CDKAL1: variants seen among roughly 807,000 people sequenced by gnomAD.
CDKAL1 encodes threonylcarbamoyladenosine tRNA methylthiotransferase.
In CDKAL1, 32 loss-of-function variants were observed where a neutral mutation model predicts 68.2. The observed-to-expected ratio is 0.47, with a 90% confidence interval of 0.35 to 0.63. The LOEUF (loss-of-function observed/expected upper bound fraction) is 0.63, where lower values mean the gene tolerates loss of function less well. Ranked by LOEUF, CDKAL1 falls within the 30% of genes least tolerant of loss-of-function variation. The pLI is 0.00. For synonymous variants in CDKAL1, 234 were observed against 244.3 expected, an observed-to-expected ratio of 0.96 and a Z score of 0.39; for missense variants, 606 against 696.7, an observed-to-expected ratio of 0.87 and a Z score of 1.47.
At chr6:20,538,375 C>G (rs1259800177) in intron 2 of CDKAL1, among the ~76,000 whole-genome samples, 1 of 152,062 alleles carries the variant, frequency 6.6e-6, no homozygotes, top group Non-Finnish European at 1.5e-5. Context: ...GAGGCAAAGC[C>G]ATAGTGGGAA....
intron 4 of CDKAL1, among the ~76,000 whole-genome samples, chr6:20,585,635 C>A (rs1168460959): frequency 1.3e-5 from 2 of 152,206 alleles, no homozygotes; most frequent in Non-Finnish European, 2.9e-5. Flanking sequence ...GCTTTTCACT[C>A]TTTCCTTCTG....
chr6:20,649,648 G>A (rs140825371), intron 5 of CDKAL1, among the ~76,000 whole-genome samples: 1 of 152,180 alleles, frequency 6.6e-6, no homozygotes, highest in African/African-American at 2.4e-5. Context: ...ATGATGGTTT[G>A]CTGCACCTAT....
intron 9 of CDKAL1, among the ~76,000 whole-genome samples, chr6:20,912,813 C>T (rs1312272730): frequency 6.6e-5 from 10 of 152,046 alleles, no homozygotes; most frequent in African/African-American, 2.2e-4. Context: ...TCTACTCCCT[C>T]TTACAGAATT....
chr6:20,644,924 A>G (rs1470807721), intron 4 of CDKAL1, among the ~76,000 whole-genome samples: 1 of 152,242 alleles, frequency 6.6e-6, no homozygotes, highest in Non-Finnish European at 1.5e-5. Flanking sequence ...GTGTACCCAC[A>G]CAAACCTAGA....
intron 11 of CDKAL1, among the ~76,000 whole-genome samples, chr6:21,052,178 G>A (rs1233642648): frequency 6.6e-6 from 1 of 152,086 alleles, no homozygotes; most frequent in East Asian, 1.9e-4. Flanking sequence ...ATGTTGAATT[G>A]TTTCTTACTA....
intron 5 of CDKAL1, among the ~76,000 whole-genome samples, chr6:20,691,287 G>T (rs559267960): frequency 1.4e-5 from 2 of 147,274 alleles, no homozygotes. Flanking sequence ...TCTCTGGGCC[G>T]GCAGACCCTG....
chr6:20,711,913 A>G (rs948053687), intron 5 of CDKAL1, among the ~76,000 whole-genome samples: 2 of 152,206 alleles, frequency 1.3e-5, no homozygotes, highest in African/African-American at 4.8e-5. Flanking sequence ...AGTACACACC[A>G]TTGATTCAAA....
At chr6:21,162,759 TA>T (rs1051200993) in intron 13 of CDKAL1, among the ~76,000 whole-genome samples, 2 of 151,494 alleles carry the variant, frequency 1.3e-5, no homozygotes, top group Admixed American at 6.6e-5. Flanking sequence ...ACCTTGTCTC[TA>T]AAAAAAAGGT....
At chr6:21,122,233 T>C (rs1427117510) in intron 13 of CDKAL1, among the ~76,000 whole-genome samples, 1 of 152,246 alleles carries the variant, frequency 6.6e-6, no homozygotes, top group Non-Finnish European at 1.5e-5. Flanking sequence ...TTTTAAAATA[T>C]ATTACACTGT....
intron 5 of CDKAL1, among the ~76,000 whole-genome samples, chr6:20,655,547 A>T (rs1238121396): frequency 1.3e-5 from 2 of 152,180 alleles, no homozygotes; most frequent in Non-Finnish European, 2.9e-5. Context: ...GCCTGCTATT[A>T]GATCAGCAGC....
intron 5 of CDKAL1, among the ~76,000 whole-genome samples, chr6:20,663,652 A>G (rs1001937920): frequency 9.8e-5 from 15 of 152,290 alleles, no homozygotes; most frequent in African/African-American, 2.6e-4. Flanking sequence ...AAGACCTGCA[A>G]TGACCATATT....
At chr6:21,208,508 A>G (rs1325598354) in intron 15 of CDKAL1, among the ~76,000 whole-genome samples, 1 of 152,212 alleles carries the variant, frequency 6.6e-6, no homozygotes, top group Non-Finnish European at 1.5e-5. Flanking sequence ...GTCTAATTTC[A>G]GACAGGTCAG....
At chr6:21,012,882 A>C (rs1463365086) in intron 11 of CDKAL1, among the ~76,000 whole-genome samples, 1 of 152,182 alleles carries the variant, frequency 6.6e-6, no homozygotes, top group Non-Finnish European at 1.5e-5. Context: ...GGCTGTGCAG[A>C]CCATCCTGCA....
chr6:21,153,256 TTTA>T (rs1390469977), intron 13 of CDKAL1, among the ~76,000 whole-genome samples: 4 of 149,746 alleles, frequency 2.7e-5, no homozygotes, highest in Non-Finnish European at 5.9e-5. Flanking sequence ...TTTTTTTTTT[TTTA>T]ATCGTTAAGC....
At position 21,078,963 on chromosome 6, in the gene CDKAL1, T is replaced by C. The variant is rs184040709; in HGVS notation, c.1236+13735T>C. ...CCTGGCATAGAGCAGGAACTCAGTA[T>C]GTGTTGGATTGACAGATGCTGTAAA... is the stretch of plus-strand genomic sequence containing the variant. On this transcript the variant is annotated intron_variant, in intron 12 of 15. Transcript: ENST00000274695. 5.8e-4 allele frequency among the ~76,000 whole-genome samples: 88 copies of C among 152,280 alleles called. 1 individual carries two copies. Among genetic ancestry groups the C allele is most frequent in the Admixed American group, 2.7e-3 (41 of 15,298 alleles).
rs141725975 is a variant in CDKAL1 at position 21,002,656 on chromosome 6, TTA to T, written c.1055+2285_1055+2286del. Among the ~76,000 whole-genome samples the T allele has an allele frequency of 8.9e-3, 1,296 of 146,318 alleles. 12 individuals are homozygous for T. The highest frequency in any genetic ancestry group is 0.021 in the African/African-American group (849 of 39,804). ...CTGAGAAAACTTCAGGTAACCTATT[TTA>T]AAAAAAAAAAAAAAAATCAGATTAT... On this transcript the variant is annotated intron_variant, in intron 11 of 15. Transcript: ENST00000274695.
chr6:21,021,189 A>G (rs1768641193), intron 11 of CDKAL1, among the ~76,000 whole-genome samples: 1 of 152,202 alleles, frequency 6.6e-6, no homozygotes, highest in African/African-American at 2.4e-5. Context: ...TGGTATGTGG[A>G]CCAAATTACT....
intron 11 of CDKAL1, among the ~76,000 whole-genome samples, chr6:21,034,141 A>G (rs1243056561): frequency 2.0e-5 from 3 of 152,164 alleles, no homozygotes; most frequent in Admixed American, 6.5e-5. Flanking sequence ...AGAGTGTGAC[A>G]ATGCTATAGA....
At chr6:20,887,323 C>T (rs2150571866) in intron 9 of CDKAL1, among the ~76,000 whole-genome samples, 1 of 152,132 alleles carries the variant, frequency 6.6e-6, no homozygotes, top group Non-Finnish European at 1.5e-5. Flanking sequence ...TACTCATTTA[C>T]TAAGAGAAAT....
Sources: gnomAD v4.1 joint callset for allele counts (sites outside exome capture counted in the v4.1 genomes callset) on GRCh38, gnomAD v4.1.1 for gene constraint, MANE v1.5 for transcripts, NCBI Gene and HGNC (gene_info 2026-07-23, HGNC 2026-07-21) for gene names.